Variants in DIP2B observed in about 807,000 individuals in gnomAD.
DIP2B encodes the protein disco-interacting protein 2 homolog B.
Under a neutral mutation model 198.0 loss-of-function variants are expected in DIP2B, and 76 were observed. The observed-to-expected ratio is 0.38, with a 90% CI of 0.32 to 0.46. The LOEUF (loss-of-function observed/expected upper bound fraction) is 0.46, where lower values mean the gene tolerates loss of function less well. DIP2B is among the 20% of genes least tolerant of loss of function. DIP2B has a pLI of 0.99. For synonymous variants in DIP2B, 701 were observed against 739.1 expected, an observed-to-expected ratio of 0.95 and a Z score of 0.84; for missense variants, 1,559 against 1,978.4, an observed-to-expected ratio of 0.79 and a Z score of 4.02.
At chr12:50,654,900 G>T in intron 3 of DIP2B, 1 of 307,834 alleles carries the variant, frequency 3.2e-6, no homozygotes, top group Non-Finnish European at 6.8e-6. Context: ...CGGTGGGGAA[G>T]TAGGTATACC....
chr12:50,623,529 GCACACACACA>G lies in DIP2B; in HGVS notation c.101-2437_101-2428del, dbSNP rs146613951. Among the ~76,000 whole-genome samples, 13 of 104,620 alleles carry G rather than the reference GCACACACACA, an allele frequency of 1.2e-4. No homozygotes were observed. The East Asian group carries it at 2.4e-3, about 19-fold the overall frequency. 68.6% of individuals were successfully genotyped at this position (104,620 alleles called of 152,430 possible). ...CTTCCAGACACACACACACACACAC[GCACACACACA>G]CACACACACTCTCACTCACCCAAGG... On this transcript the variant is annotated intron_variant, in intron 1 of 37. Coordinates refer to ENST00000301180, the MANE Select transcript of DIP2B (RefSeq NM_173602.3).
At chr12:50,563,237 A>AGT (rs1284172148) in intron 1 of DIP2B, among the ~76,000 whole-genome samples, 2 of 151,912 alleles carry the variant, frequency 1.3e-5, no homozygotes, top group Non-Finnish European at 2.9e-5. Context: ...CCCAGGCTGG[A>AGT]GTGCAGTGAC....
chr12:50,693,067 A>G (rs1349631504), intron 14 of DIP2B, 54 bp downstream of exon 14: 1 of 1,510,868 alleles, frequency 6.6e-7, no homozygotes, highest in Non-Finnish European at 9.0e-7. Context: ...AGATAAGGCC[A>G]GCATGTTGTA....
intron 1 of DIP2B, among the ~76,000 whole-genome samples, chr12:50,512,872 C>T (rs1362970875): frequency 1.3e-5 from 2 of 152,114 alleles, no homozygotes; most frequent in Admixed American, 6.5e-5. Context: ...CCGGGCGTGG[C>T]GGCATGCACC....
intron 4 of DIP2B, among the ~76,000 whole-genome samples, chr12:50,667,931 G>A (rs1277294843): frequency 6.6e-6 from 1 of 152,188 alleles, no homozygotes; most frequent in Non-Finnish European, 1.5e-5. Context: ...GCTATGGTTA[G>A]GATAAAGGCA....
rs528265536 is a variant in DIP2B, at chr12:50,731,545, G to A, written c.3810+8G>A. ...CAAGTGGAAGTGCTAAAGGTAAGAAGCAGCTCCAGCAGGTGGCCAGTCCCA... is the reference window on the plus strand; with the variant it reads ...CAAGTGGAAGTGCTAAAGGTAAGAAACAGCTCCAGCAGGTGGCCAGTCCCA... On this transcript the variant is annotated splice_region_variant and intron_variant, in intron 31 of 37. Transcript: ENST00000301180. The A allele has an allele frequency of 6.2e-7, 1 of 1,605,208 alleles. No homozygotes were observed. The highest frequency in any genetic ancestry group is 8.5e-7 in the Non-Finnish European group (1 of 1,174,652).
chr12:50,647,619 G>A (rs1305353132), intron 3 of DIP2B, among the ~76,000 whole-genome samples: 1 of 152,128 alleles, frequency 6.6e-6, no homozygotes, highest in African/African-American at 2.4e-5. Flanking sequence ...GGCTTGCAAG[G>A]AATTCCTTGA....
At chr12:50,516,133 C>T (rs993720627) in intron 1 of DIP2B, among the ~76,000 whole-genome samples, 6 of 151,740 alleles carry the variant, frequency 4.0e-5, no homozygotes, top group Admixed American at 1.3e-4. Flanking sequence ...AAACAGGCTC[C>T]CTCAAGCTTG....
chr12:50,651,664 C>G (rs886796837), intron 3 of DIP2B, among the ~76,000 whole-genome samples: 15 of 151,940 alleles, frequency 9.9e-5, no homozygotes, highest in Non-Finnish European at 1.6e-4. Context: ...TCCGGGCTCT[C>G]TATTGTTCCG....
chr12:50,623,552 C>A (rs1044033002), intron 1 of DIP2B, among the ~76,000 whole-genome samples: 1 of 151,730 alleles, frequency 6.6e-6, no homozygotes, highest in South Asian at 2.1e-4. Flanking sequence ...CACACACTCT[C>A]ACTCACCCAA....
chr12:50,667,058 A>T (rs185994898), intron 4 of DIP2B, among the ~76,000 whole-genome samples: 22 of 152,128 alleles, frequency 1.4e-4, no homozygotes, highest in African/African-American at 5.3e-4. Context: ...TTGTAGAGAC[A>T]GGTTTTTGTC....
rs371686045 is a variant in DIP2B at position 50,731,454 on chromosome 12, T to C, written c.3727T>C (p.Tyr1243His). The part of the protein sequence containing the change: ...LFLWLSTVNQ[Y>H]KIRDTFCSYS... Reference sequence around the variant, plus strand: ...CCTCTGGCTCTCCACAGTCAACCAGTACAAAATAAGGGACACTTTCTGCTC... The same window carrying C: ...CCTCTGGCTCTCCACAGTCAACCAGCACAAAATAAGGGACACTTTCTGCTC... The change falls in exon 31 of 38, where the codon TAC becomes CAC. Residue 1243 changes from tyrosine to histidine, a missense_variant. Physicochemically the swap from Tyr to His is moderately conservative, Grantham distance 83. Coordinates refer to ENST00000301180, the MANE Select transcript of DIP2B (RefSeq NM_173602.3). The C allele has an allele frequency of 3.5e-5, 57 of 1,614,026 alleles. No individual in the cohort carries two copies. Among genetic ancestry groups the C allele is most frequent in the Non-Finnish European group, 4.6e-5 (54 of 1,180,020 alleles).
At chr12:50,652,432 G>A (rs1335748132) in intron 3 of DIP2B, among the ~76,000 whole-genome samples, 2 of 151,444 alleles carry the variant, frequency 1.3e-5, no homozygotes, top group Non-Finnish European at 2.9e-5. Flanking sequence ...AGCTACTTGG[G>A]AGGCTGAGGC....
At chr12:50,518,951 C>T (rs998412640) in intron 1 of DIP2B, among the ~76,000 whole-genome samples, 1 of 151,988 alleles carries the variant, frequency 6.6e-6, no homozygotes, top group African/African-American at 2.4e-5. Flanking sequence ...TTGTTGCTGC[C>T]CAGGCTGGTC....
chr12:50,639,798 G>C (rs1411000664), intron 2 of DIP2B, among the ~76,000 whole-genome samples: 1 of 152,130 alleles, frequency 6.6e-6, no homozygotes, highest in Non-Finnish European at 1.5e-5. Context: ...GGATGAACCT[G>C]GAGGACATTA....
At chr12:50,520,813 A>G (rs962742273) in intron 1 of DIP2B, among the ~76,000 whole-genome samples, 13 of 152,166 alleles carry the variant, frequency 8.5e-5, no homozygotes, top group African/African-American at 3.1e-4. Context: ...TAGTGAATGA[A>G]TCTAGATTCT....
intron 10 of DIP2B, among the ~76,000 whole-genome samples, chr12:50,683,884 G>A (rs1939087885): frequency 6.6e-6 from 1 of 152,156 alleles, no homozygotes; most frequent in Admixed American, 6.5e-5. Context: ...GATTGAGGTG[G>A]GCGGGTTGCG....
chr12:50,638,915 C>T (rs1441779459), intron 2 of DIP2B, among the ~76,000 whole-genome samples: 1 of 150,642 alleles, frequency 6.6e-6, no homozygotes, highest in Admixed American at 6.6e-5. Context: ...CATCTGAAAT[C>T]TGAAAATTGG....
Position 50,724,839 on chromosome 12 carries a change from C to T in DIP2B, c.3353C>T (p.Ala1118Val). 1 of 1,614,170 alleles carries T rather than the reference C, an allele frequency of 6.2e-7. No homozygotes were observed. Among genetic ancestry groups the T allele is most frequent in the Non-Finnish European group, 8.5e-7 (1 of 1,180,022 alleles). Reference sequence around the variant, plus strand: ...ATGAGGCTACTGAGGTCCCGAGAGGCAGCAGCAGCTGTGGATGTGAAAACC... The same window carrying T: ...ATGAGGCTACTGAGGTCCCGAGAGGTAGCAGCAGCTGTGGATGTGAAAACC... Reference protein sequence around the residue: ...TLMRLLRSREAAAAVDVKTWP... With the variant: ...TLMRLLRSREVAAAVDVKTWP... The change falls in exon 28 of 38, where the codon GCA (alanine) becomes GTA (valine). Residue 1118 changes from alanine (A) to valine (V), a missense_variant. Coordinates refer to ENST00000301180, the MANE Select transcript of DIP2B (RefSeq NM_173602.3).
Sources: gnomAD v4.1 joint callset for allele counts (sites outside exome capture counted in the v4.1 genomes callset) on GRCh38, gnomAD v4.1.1 for gene constraint, MANE v1.5 for transcripts, NCBI Gene and HGNC (gene_info 2026-07-23, HGNC 2026-07-21) for gene names.